Variants in NDST3 observed in about 807,000 individuals in gnomAD.
The protein encoded by NDST3 is bifunctional heparan sulfate N-deacetylase/N-sulfotransferase 3.
Under a neutral mutation model 96.1 loss-of-function variants are expected in NDST3, and 58 were observed. The observed-to-expected ratio is 0.60, with a 90% confidence interval of 0.49 to 0.75. The LOEUF is 0.75. NDST3 is among the 30% of genes least tolerant of loss of function. The probability of loss-of-function intolerance (pLI) is 0.00; values close to 1 mark genes in which losing one functional copy is unlikely to be tolerated. For synonymous variants in NDST3, 333 were observed against 359.7 expected (o/e 0.93, Z 0.84); for missense variants, 788 against 1,034.2 (o/e 0.76, Z 3.27).
chr4:118,183,070 G>A (rs1483780860), intron 6 of NDST3, among the ~76,000 whole-genome samples: 4 of 152,098 alleles, frequency 2.6e-5, no homozygotes, highest in Non-Finnish European at 5.9e-5. Context: ...TCGTACATAC[G>A]GATGATTTTC....
intron 1 of NDST3, among the ~76,000 whole-genome samples, chr4:118,048,755 C>G (rs2110437477): frequency 6.6e-6 from 1 of 152,134 alleles, no homozygotes; most frequent in African/African-American, 2.4e-5. Flanking sequence ...CACAACAAAA[C>G]TTAGACAACT....
rs911913932 is a variant in NDST3 at position 118,204,856 on chromosome 4, G to T, written c.1540-19635G>T. ...GAATTTGATTAGTTTAGAAAGCAGA[G>T]AAAGTTAACAGAGCAATTCTAACAC... On this transcript the variant is annotated intron_variant, in intron 6 of 13. Coordinates refer to ENST00000296499, the MANE Select transcript of NDST3 (RefSeq NM_004784.3). Among the ~76,000 whole-genome samples, 10 of 144,382 alleles carry T rather than the reference G, an allele frequency of 6.9e-5. 2 individuals are homozygous for T. The highest frequency in any genetic ancestry group is 2.6e-4 in the African/African-American group (10 of 39,100). 94.7% of individuals were successfully genotyped at this position (144,382 alleles called of 152,430 possible).
At chr4:118,202,231 T>C (rs1229238203) in intron 6 of NDST3, among the ~76,000 whole-genome samples, 1 of 152,148 alleles carries the variant, frequency 6.6e-6, no homozygotes, top group Admixed American at 6.5e-5. Flanking sequence ...TGTAGCCTTA[T>C]ATAGTGTAGC....
At chr4:118,149,776 G>C (rs1026665282) in intron 6 of NDST3, among the ~76,000 whole-genome samples, 1 of 151,854 alleles carries the variant, frequency 6.6e-6, no homozygotes, top group Non-Finnish European at 1.5e-5. Flanking sequence ...GCCCTGGCCA[G>C]AACTTCCAAC....
chr4:118,194,482 G>T, intron 6 of NDST3: 1 of 723,768 alleles, frequency 1.4e-6, no homozygotes, highest in South Asian at 1.4e-5. Flanking sequence ...CTATGGCAAT[G>T]TCCCAAGCCT....
intron 2 of NDST3, among the ~76,000 whole-genome samples, chr4:118,065,144 G>C (rs1284148415): frequency 4.6e-5 from 7 of 152,056 alleles, no homozygotes; most frequent in Non-Finnish European, 8.8e-5. Flanking sequence ...TGGATTTCTT[G>C]GCGGGGGAGG....
intron 6 of NDST3, among the ~76,000 whole-genome samples, chr4:118,191,863 T>C (rs1418611102): frequency 6.6e-6 from 1 of 152,226 alleles, no homozygotes; most frequent in Admixed American, 6.5e-5. Flanking sequence ...ATCTCCAAAC[T>C]GTTCTCCACA....
chr4:118,149,443 T>C (rs1043807572), intron 6 of NDST3, among the ~76,000 whole-genome samples: 4 of 147,760 alleles, frequency 2.7e-5, no homozygotes, highest in Non-Finnish European at 4.5e-5. Flanking sequence ...AGCAGTGGTT[T>C]GTAGTTCTCC....
intron 6 of NDST3, among the ~76,000 whole-genome samples, chr4:118,191,244 A>AC (rs1213422666): frequency 1.3e-5 from 2 of 152,340 alleles, no homozygotes; most frequent in African/African-American, 4.8e-5. Flanking sequence ...GTTAGATAAG[A>AC]CGGCCAGAAA....
chr4:118,089,356 A>G (rs1728685469), intron 2 of NDST3, among the ~76,000 whole-genome samples: 2 of 151,828 alleles, frequency 1.3e-5, no homozygotes, highest in Admixed American at 1.3e-4. Context: ...AAGAAAAAAA[A>G]CTTTTTCCAT....
At chr4:118,091,522 G>A (rs1280809134) in intron 2 of NDST3, among the ~76,000 whole-genome samples, 1 of 151,686 alleles carries the variant, frequency 6.6e-6, no homozygotes, top group African/African-American at 2.4e-5. Context: ...TGGCAGTTTC[G>A]AAGGTATCTT....
chr4:118,155,283 T>G (rs981186404), intron 6 of NDST3, among the ~76,000 whole-genome samples: 2 of 152,202 alleles, frequency 1.3e-5, no homozygotes, highest in African/African-American at 4.8e-5. Flanking sequence ...AAAACATCAG[T>G]TCCCATCCAG....
intron 6 of NDST3, among the ~76,000 whole-genome samples, chr4:118,200,650 T>G (rs1335801972): frequency 6.6e-6 from 1 of 152,234 alleles, no homozygotes; most frequent in Non-Finnish European, 1.5e-5. Flanking sequence ...TAATTTTTCT[T>G]ATTAGTCATT....
At chr4:118,150,457 A>G (rs1189552389) in intron 6 of NDST3, among the ~76,000 whole-genome samples, 4 of 152,006 alleles carry the variant, frequency 2.6e-5, no homozygotes, top group African/African-American at 4.8e-5. Flanking sequence ...GCAACCTACA[A>G]AATGGGAGAA....
At chr4:118,214,016 A>G (rs1523747) in intron 6 of NDST3, among the ~76,000 whole-genome samples, 124 of 152,308 alleles carry the variant, frequency 8.1e-4, no homozygotes, top group African/African-American at 2.5e-3. Context: ...CAGTTTAGCA[A>G]GAGGAACGTA....
At chr4:118,224,376 C>A in intron 6 of NDST3, 115 bp from the exon 7 acceptor site, 1 of 808,168 alleles carries the variant, frequency 1.2e-6, no homozygotes, top group East Asian at 2.8e-5. Context: ...AACACGCCAT[C>A]AACTGAAACC....
At chr4:118,162,937 A>G (rs1331352641) in intron 6 of NDST3, among the ~76,000 whole-genome samples, 26 of 147,476 alleles carry the variant, frequency 1.8e-4, no homozygotes, top group Middle Eastern at 3.5e-3. Flanking sequence ...AAAAGTGGGC[A>G]AAGGACATGA....
intron 6 of NDST3, among the ~76,000 whole-genome samples, chr4:118,168,738 G>T (rs1262833135): frequency 6.6e-6 from 1 of 152,112 alleles, no homozygotes; most frequent in African/African-American, 2.4e-5. Flanking sequence ...CCATCAATCG[G>T]CAAACGGGTA....
At chr4:118,129,199 A>T (rs1169704801) in intron 4 of NDST3, among the ~76,000 whole-genome samples, 1 of 150,454 alleles carries the variant, frequency 6.6e-6, no homozygotes, top group Non-Finnish European at 1.5e-5. Flanking sequence ...TTCTGCTTTG[A>T]TCTTTATTAT....
Sources: gnomAD v4.1 joint callset for allele counts (sites outside exome capture counted in the v4.1 genomes callset) on GRCh38, gnomAD v4.1.1 for gene constraint, MANE v1.5 for transcripts, NCBI Gene and HGNC (gene_info 2026-07-23, HGNC 2026-07-21) for gene names.